The following KMT2C variants were observed in gnomAD, a reference collection of about 807,000 sequenced individuals.
KMT2C encodes histone-lysine N-methyltransferase 2C.
In KMT2C, 88 loss-of-function variants were observed where a neutral mutation model predicts 507.9. The observed-to-expected ratio is 0.17, with a 90% CI of 0.15 to 0.21. KMT2C has a LOEUF of 0.21. Among genes scored for constraint, KMT2C ranks in the 10% least tolerant of loss-of-function variants. The pLI is 1.00. For synonymous variants in KMT2C, 2,049 were observed against 2,080.8 expected (o/e 0.98, Z 0.42); for missense variants, 4,954 against 5,957.8 (o/e 0.83, Z 5.55).
At chr7:152,205,792 CG>C (rs2094292505) in intron 24 of KMT2C, among the ~76,000 whole-genome samples, 4 of 152,132 alleles carry the variant, frequency 2.6e-5, no homozygotes, top group Admixed American at 2.6e-4. Context: ...ATGATGTTCA[CG>C]CAACGATGAA....
chr7:152,365,744 T>C (rs1589481141), intron 1 of KMT2C, among the ~76,000 whole-genome samples: 1 of 152,206 alleles, frequency 6.6e-6, no homozygotes, highest in Non-Finnish European at 1.5e-5. Context: ...TTAATTTGAT[T>C]AGTGTTGGCA....
intron 16 of KMT2C, among the ~76,000 whole-genome samples, chr7:152,232,464 C>G (rs2095148340): frequency 6.6e-6 from 1 of 152,084 alleles, no homozygotes; most frequent in Non-Finnish European, 1.5e-5. Context: ...CATGCAAAGT[C>G]ATTATATGTA....
intron 2 of KMT2C, among the ~76,000 whole-genome samples, chr7:152,331,635 C>CAAA (rs34761796): frequency 7.1e-6 from 1 of 140,498 alleles, no homozygotes; most frequent in Admixed American, 7.1e-5. Flanking sequence ...ACAACAACAA[C>CAAA]AAAAAGATTT....
intron 6 of KMT2C, among the ~76,000 whole-genome samples, chr7:152,290,258 GTATATATATA>G (rs746466676): frequency 0.022 from 565 of 26,194 alleles, 11 homozygotes; most frequent in African/African-American, 0.045. Flanking sequence ...GTGTGTATGT[GTATATATATA>G]TATATATATA....
chr7:152,410,839 A>G (rs888108672), intron 1 of KMT2C, among the ~76,000 whole-genome samples: 6 of 151,860 alleles, frequency 4.0e-5, no homozygotes, highest in African/African-American at 1.5e-4. Flanking sequence ...TCTACAAAAA[A>G]TAAAAGATAA....
intron 2 of KMT2C, among the ~76,000 whole-genome samples, chr7:152,345,693 G>T (rs1197913817): frequency 2.0e-5 from 3 of 152,046 alleles, no homozygotes; most frequent in Non-Finnish European, 4.4e-5. Flanking sequence ...GTTAATTTTT[G>T]TATTTTTAAT....
chr7:152,186,546 G>T (rs2093633077), intron 33 of KMT2C, among the ~76,000 whole-genome samples: 2 of 152,110 alleles, frequency 1.3e-5, no homozygotes, highest in South Asian at 4.1e-4. Context: ...AATCCAAAAA[G>T]GTACCTAAAT....
In KMT2C at chr7:152,167,130, C is replaced by T. The variant is rs1214480052; in HGVS notation, c.9750+16G>A. On this transcript the variant is annotated intron_variant, in intron 42 of 58. Coordinates refer to ENST00000262189, the MANE Select transcript of KMT2C (RefSeq NM_170606.3). ...TTAATTGTTGGTAGTTTCTATTTTG[C>T]AAACCTATTTATTACCTGTTCTAGC... 1 of 1,596,712 alleles carries T rather than the reference C, an allele frequency of 6.3e-7. No homozygotes were observed. The highest frequency in any genetic ancestry group is 2.2e-5 in the East Asian group (1 of 44,730).
chr7:152,380,252 CAAAACAAAACAA>C (rs574168933), intron 1 of KMT2C, among the ~76,000 whole-genome samples: 27 of 81,102 alleles, frequency 3.3e-4, no homozygotes, highest in Admixed American at 1.0e-3. Context: ...AAAAAAAAAA[CAAAACAAAACAA>C]AAAACAAAAC....
rs756938174 is a variant in KMT2C at position 152,139,799 on chromosome 7, A to G, written c.14344-8T>C. The G allele has an allele frequency of 5.6e-6, 9 of 1,602,538 alleles. No homozygotes were observed. The highest frequency in any genetic ancestry group is 7.7e-6 in the Non-Finnish European group (9 of 1,169,710). The stretch of plus-strand genomic sequence containing the variant: ...AGCATACAGGCCCAGCCCCTAAAAA[A>G]AAGTGTGTACATACTTCCAATTTAT... On this transcript the variant is annotated splice_polypyrimidine_tract_variant and splice_region_variant and intron_variant, in intron 55 of 58. Coordinates refer to ENST00000262189, the MANE Select transcript of KMT2C (RefSeq NM_170606.3).
intron 41 of KMT2C, among the ~76,000 whole-genome samples, chr7:152,168,908 T>C (rs1194062861): frequency 6.6e-6 from 1 of 152,224 alleles, no homozygotes; most frequent in Non-Finnish European, 1.5e-5. Context: ...GCCCAATCTG[T>C]ATACAAAAAC....
rs2090155661 is a variant in KMT2C at position 152,138,625 on chromosome 7, G to A, written c.14643+171C>T. The A allele has an allele frequency of 5.7e-6, 3 of 526,336 alleles. No individual in the cohort carries two copies. Among genetic ancestry groups the A allele is most frequent in the Non-Finnish European group, 6.7e-6 (2 of 297,114 alleles). 32.6% of individuals were successfully genotyped at this position (526,336 alleles called of 1,614,324 possible). On this transcript the variant is annotated intron_variant, in intron 58 of 58. Coordinates refer to ENST00000262189, the MANE Select transcript of KMT2C (RefSeq NM_170606.3). The surrounding 1 kb of genome is among the most constrained non-coding windows in gnomAD (Gnocchi z 4.2). Reference sequence around the variant, plus strand: ...GCTGCCATGTGGAGGAAGGTGAACTGGAGTGCCTGAAGGGTGAGATACTGC... The same window carrying A: ...GCTGCCATGTGGAGGAAGGTGAACTAGAGTGCCTGAAGGGTGAGATACTGC...
rs1277290780 is a variant in KMT2C, at chr7:152,202,247, A to T, written c.4092+687T>A. 2.0e-5 allele frequency among the ~76,000 whole-genome samples: 3 copies of T among 152,226 alleles called. No homozygotes were observed. The South Asian group carries it at 6.2e-4, about 31-fold the overall frequency. ...AAGAAATAGAGGCCAGGAAGGATGA[A>T]TAACACGCTTAGGAATTTACAATTA... is the stretch of plus-strand genomic sequence containing the variant. On this transcript the variant is annotated intron_variant, in intron 26 of 58. Coordinates refer to ENST00000262189, the MANE Select transcript of KMT2C (RefSeq NM_170606.3).
At chr7:152,204,237 G>A (rs894013901) in intron 25 of KMT2C, among the ~76,000 whole-genome samples, 1 of 152,116 alleles carries the variant, frequency 6.6e-6, no homozygotes, top group African/African-American at 2.4e-5. Context: ...GGTGAAGGTT[G>A]CAGTGAGCTG....
At chr7:152,170,018 A>G (rs1187733262) in intron 40 of KMT2C, among the ~76,000 whole-genome samples, 1 of 152,230 alleles carries the variant, frequency 6.6e-6, no homozygotes, top group Non-Finnish European at 1.5e-5. Context: ...TCTCCTTAAC[A>G]TGAGCTGTAT....
In KMT2C at chr7:152,136,687, T is replaced by G; in HGVS notation, c.*145A>C. 1 of 644,668 alleles carries G rather than the reference T, an allele frequency of 1.6e-6. No homozygotes were observed. The highest frequency in any genetic ancestry group is 2.8e-6 in the Non-Finnish European group (1 of 362,398). The allele number at this position is 644,668 out of a possible 1,614,324, so 39.9% of individuals were successfully genotyped here. On this transcript the variant is annotated 3_prime_UTR_variant, in exon 59 of 59. Coordinates refer to ENST00000262189, the MANE Select transcript of KMT2C (RefSeq NM_170606.3). Reference sequence around the variant, plus strand: ...CTGGCGCTGCTTTAACCTAAAGGACTGAGGAAATCAGAACTCCCAGAAGCT... The same window carrying G: ...CTGGCGCTGCTTTAACCTAAAGGACGGAGGAAATCAGAACTCCCAGAAGCT...
intron 1 of KMT2C, among the ~76,000 whole-genome samples, chr7:152,418,391 G>C (rs1288328000): frequency 6.6e-6 from 1 of 152,120 alleles, no homozygotes; most frequent in Non-Finnish European, 1.5e-5. Flanking sequence ...GAAAAGGGGA[G>C]ACAGCTGTAT....
chr7:152,309,226 A>C (rs1589097410), intron 6 of KMT2C, among the ~76,000 whole-genome samples: 1 of 152,112 alleles, frequency 6.6e-6, no homozygotes, highest in African/African-American at 2.4e-5. Flanking sequence ...CTAAAATTTT[A>C]ATTTCTAATT....
intron 55 of KMT2C, among the ~76,000 whole-genome samples, chr7:152,140,825 C>T (rs948616334): frequency 2.0e-5 from 3 of 152,214 alleles, no homozygotes; most frequent in Admixed American, 6.5e-5. Context: ...GAACAAGCAT[C>T]TTTGATTATC....
Sources: gnomAD v4.1 joint callset for allele counts (sites outside exome capture counted in the v4.1 genomes callset) on GRCh38, gnomAD v4.1.1 for gene constraint, Gnocchi (gnomAD v3.1) non-coding constraint, MANE v1.5 for transcripts, NCBI Gene and HGNC (gene_info 2026-07-23, HGNC 2026-07-21) for gene names.